The following ILRUN variants were observed in gnomAD, a reference collection of about 807,000 sequenced individuals.
The protein encoded by ILRUN is inflammation and lipid regulator with UBA-like and NBR1-like domains.
Under a neutral mutation model 33.8 loss-of-function variants are expected in ILRUN, and 3 were observed. The observed-to-expected ratio is 0.09, with a 90% confidence interval of 0.04 to 0.23. ILRUN has a LOEUF of 0.23. ILRUN is among the 10% of genes least tolerant of loss of function. The probability of loss-of-function intolerance (pLI) is 1.00; values close to 1 mark genes in which losing one functional copy is unlikely to be tolerated. For missense variants in ILRUN, 210 were observed against 375.1 expected, an observed-to-expected ratio of 0.56 and a Z score of 3.64; for synonymous variants, 124 against 138.9, an observed-to-expected ratio of 0.89 and a Z score of 0.75.
chr6:34,598,024 T>C (rs1761437787), intron 4 of ILRUN, among the ~76,000 whole-genome samples: 1 of 152,250 alleles, frequency 6.6e-6, no homozygotes, highest in African/African-American at 2.4e-5. Context: ...TACTTCATCT[T>C]TACTGGCTCT....
In ILRUN at chr6:34,606,723, C is replaced by T; in HGVS notation, c.693G>A (p.Gly231=). Residue 231 remains glycine (G), a synonymous_variant, in exon 4 of 5, where the codon GGG becomes GGA. Transcript: ENST00000374023. ...TGCTGATCGAGTCGAACTCGGAGCC[C>T]CCAGGGTCTTTTAAGTTGTTTTCAT... ...QSDENNLKDP[G]GSEFDSISKN... is the part of the protein sequence containing the mutation. The T allele has an allele frequency of 1.2e-6, 2 of 1,614,122 alleles. No individual in the cohort carries two copies. Among genetic ancestry groups the T allele is most frequent in the Non-Finnish European group, 1.7e-6 (2 of 1,180,018 alleles).
chr6:34,632,682 ATT>A (rs10718642), intron 3 of ILRUN, among the ~76,000 whole-genome samples: 238 of 143,918 alleles, frequency 1.7e-3, no homozygotes, highest in African/African-American at 4.6e-3. Context: ...CACCCGGCTA[ATT>A]TTTTTTTTTT....
At chr6:34,683,477 T>TATATATGTATATATACAC in intron 1 of ILRUN, among the ~76,000 whole-genome samples, 1 of 102,186 alleles carries the variant, frequency 9.8e-6, no homozygotes, top group African/African-American at 4.9e-5. Flanking sequence ...TATATACACA[T>TATATATGTATATATACAC]ATATATATAC....
intron 1 of ILRUN, among the ~76,000 whole-genome samples, chr6:34,683,825 G>A (rs1401618384): frequency 1.3e-5 from 2 of 152,232 alleles, no homozygotes; most frequent in South Asian, 2.1e-4. Context: ...CACTTTGGGA[G>A]GACAAGGTGG....
chr6:34,689,276 G>C (rs1763597476), intron 1 of ILRUN, among the ~76,000 whole-genome samples: 1 of 151,780 alleles, frequency 6.6e-6, no homozygotes, highest in Non-Finnish European at 1.5e-5. Context: ...CAAGGCCGTA[G>C]TGTGCTACAT....
intron 3 of ILRUN, among the ~76,000 whole-genome samples, chr6:34,615,208 T>C (rs561387680): frequency 6.6e-6 from 1 of 152,304 alleles, no homozygotes; most frequent in South Asian, 2.1e-4. Context: ...AACTCTATAT[T>C]TGCAACTTTT....
intron 3 of ILRUN, among the ~76,000 whole-genome samples, chr6:34,629,947 C>A (rs1246037481): frequency 6.6e-6 from 1 of 152,058 alleles, no homozygotes; most frequent in Non-Finnish European, 1.5e-5. Flanking sequence ...TATATACATA[C>A]CTATGATAAA....
At chr6:34,670,839 T>A (rs1318441880) in intron 1 of ILRUN, among the ~76,000 whole-genome samples, 4 of 133,640 alleles carry the variant, frequency 3.0e-5, no homozygotes. Flanking sequence ...AGTGAGACCC[T>A]GTCTCAAAAA....
chr6:34,592,526 A>C lies in ILRUN; in HGVS notation c.862-1926T>G, dbSNP rs192115691. 2.6e-4 allele frequency among the ~76,000 whole-genome samples: 39 copies of C among 152,366 alleles called. No homozygotes were observed. The highest frequency in any genetic ancestry group is 5.0e-4 in the Non-Finnish European group (34 of 68,034). The stretch of plus-strand genomic sequence containing the variant: ...TGCAAGTCCTGGTAGGGGGGGTCCC[A>C]TACATCAGAGGTATCAAGTTCACGC... On this transcript the variant is annotated intron_variant, in intron 4 of 4. Coordinates refer to ENST00000374023, the MANE Select transcript of ILRUN (RefSeq NM_024294.4). The surrounding 1 kb of genome is among the most constrained non-coding windows in gnomAD (Gnocchi z 4.0).
intron 3 of ILRUN, among the ~76,000 whole-genome samples, chr6:34,617,682 C>T (rs1236000472): frequency 6.6e-6 from 1 of 152,222 alleles, no homozygotes; most frequent in Non-Finnish European, 1.5e-5. Context: ...CGCTGAAGGA[C>T]AACCTCCACT....
At chr6:34,644,433 T>A (rs929642262) in intron 3 of ILRUN, among the ~76,000 whole-genome samples, 6 of 152,034 alleles carry the variant, frequency 3.9e-5, no homozygotes, top group African/African-American at 1.5e-4. Context: ...TAGAAAGACG[T>A]AAAGTGCCAA....
At chr6:34,647,984 C>A (rs188350529) in intron 2 of ILRUN, among the ~76,000 whole-genome samples, 7 of 152,348 alleles carry the variant, frequency 4.6e-5, no homozygotes, top group Non-Finnish European at 7.3e-5. Flanking sequence ...CAGGCATGAG[C>A]CATGGCGCCC....
chr6:34,597,284 T>C (rs796238474), intron 4 of ILRUN, among the ~76,000 whole-genome samples: 5 of 152,370 alleles, frequency 3.3e-5, no homozygotes, highest in African/African-American at 1.2e-4. Flanking sequence ...AAAGATCTGA[T>C]GTAACAGCAA....
At chr6:34,618,760 C>T (rs1190076117) in intron 3 of ILRUN, among the ~76,000 whole-genome samples, 1 of 152,208 alleles carries the variant, frequency 6.6e-6, no homozygotes, top group Non-Finnish European at 1.5e-5. Flanking sequence ...ACAGTCTTCC[C>T]TCTTTCATGA....
Position 34,630,426 on chromosome 6 carries a change from C to T in ILRUN, c.511+16175G>A, listed in dbSNP as rs1762222816. 3.3e-5 allele frequency among the ~76,000 whole-genome samples: 5 copies of T among 152,178 alleles called. No homozygotes were observed. The South Asian group carries it at 1.0e-3, about 32-fold the overall frequency. On this transcript the variant is annotated intron_variant, in intron 3 of 4. Transcript: ENST00000374023. Reference sequence around the variant, plus strand: ...TTGAAACAGAGTCTCACTCTGTCGCCAGTCCGGAGTGCAGTGGTGTGATCT... The same window carrying T: ...TTGAAACAGAGTCTCACTCTGTCGCTAGTCCGGAGTGCAGTGGTGTGATCT...
chr6:34,654,829 T>C (rs1052737420), intron 1 of ILRUN, 50 bp from the exon 2 acceptor site: 1 of 1,504,250 alleles, frequency 6.6e-7, no homozygotes. Context: ...CCAGATATTA[T>C]CCTAATTGTT....
intron 3 of ILRUN, among the ~76,000 whole-genome samples, chr6:34,631,695 C>T (rs562801391): frequency 9.2e-5 from 14 of 152,184 alleles, no homozygotes; most frequent in South Asian, 4.1e-4. Flanking sequence ...GAAGTATCTA[C>T]TCAGAGAAAC....
intron 4 of ILRUN, among the ~76,000 whole-genome samples, chr6:34,604,185 T>C (rs1761577114): frequency 6.6e-6 from 1 of 152,214 alleles, no homozygotes; most frequent in Admixed American, 6.5e-5. Context: ...ATATTAATAC[T>C]AGTTCATCAA....
In ILRUN at chr6:34,587,866, C is replaced by T. The variant is rs906011320; in HGVS notation, c.*2699G>A. On this transcript the variant is annotated 3_prime_UTR_variant, in exon 5 of 5. Transcript: ENST00000374023. ...TCCCAAGTCTGAACCCCTCTGTCTC[C>T]CCAACTGGGTTCAGACCCTATCACC... 10 of 392,988 alleles carry T rather than the reference C, an allele frequency of 2.5e-5. No homozygotes were observed. Among genetic ancestry groups the T allele is most frequent in the African/African-American group, 1.9e-4 (9 of 47,172 alleles). The allele number at this position is 392,988 out of a possible 1,614,324, so 24.3% of individuals were successfully genotyped here. A position where few individuals can be genotyped will look rare whatever the true frequency, so the allele number is the denominator to read the frequency against.
Sources: gnomAD v4.1 joint callset for allele counts (sites outside exome capture counted in the v4.1 genomes callset) on GRCh38, gnomAD v4.1.1 for gene constraint, Gnocchi (gnomAD v3.1) non-coding constraint, MANE v1.5 for transcripts, NCBI Gene and HGNC (gene_info 2026-07-23, HGNC 2026-07-21) for gene names.